Variants in LRRC4C observed in about 807,000 individuals in gnomAD.
The protein encoded by LRRC4C is leucine rich repeat containing 4C.
Under a neutral mutation model 33.6 loss-of-function variants are expected in LRRC4C, and 5 were observed. The observed-to-expected ratio is 0.15, with a 90% confidence interval of 0.08 to 0.31. The LOEUF (loss-of-function observed/expected upper bound fraction) is 0.31, where lower values mean the gene tolerates loss of function less well. Among genes scored for constraint, LRRC4C ranks in the 10% least tolerant of loss-of-function variants. The pLI is 1.00. For synonymous variants in LRRC4C, 329 were observed against 302.0 expected (o/e 1.09, Z -0.93); for missense variants, 560 against 796.7 (o/e 0.70, Z 3.58).
intron 2 of LRRC4C, among the ~76,000 whole-genome samples, chr11:40,836,713 A>G (rs1952686482): frequency 1.3e-5 from 2 of 152,196 alleles, no homozygotes; most frequent in Non-Finnish European, 1.5e-5. Context: ...TAGATGTCCT[A>G]CAGCAAGTTA....
intron 3 of LRRC4C, among the ~76,000 whole-genome samples, chr11:40,630,416 T>C (rs1388853760): frequency 8.1e-6 from 1 of 123,472 alleles, no homozygotes; most frequent in Non-Finnish European, 1.7e-5. Context: ...ATTCCTCTTC[T>C]TCTTCTTTTT....
chr11:40,303,294 ATTTG>A (rs909045082), intron 4 of LRRC4C, among the ~76,000 whole-genome samples: 1 of 152,022 alleles, frequency 6.6e-6, no homozygotes, highest in Non-Finnish European at 1.5e-5. Context: ...TAATTTGCGT[ATTTG>A]TTTGTGTATG....
intron 3 of LRRC4C, among the ~76,000 whole-genome samples, chr11:40,381,489 T>C (rs1321760070): frequency 6.6e-6 from 1 of 152,204 alleles, no homozygotes; most frequent in African/African-American, 2.4e-5. Flanking sequence ...ATCAAGTACA[T>C]ACTGTCTCTG....
intron 1 of LRRC4C, among the ~76,000 whole-genome samples, chr11:41,149,388 T>G (rs1484234811): frequency 6.6e-6 from 1 of 151,372 alleles, no homozygotes; most frequent in Non-Finnish European, 1.5e-5. Context: ...GCGCCTGTAG[T>G]CCCAGCTACT....
At chr11:41,142,269 G>A (rs1212975868) in intron 1 of LRRC4C, among the ~76,000 whole-genome samples, 3 of 152,124 alleles carry the variant, frequency 2.0e-5, no homozygotes, top group Non-Finnish European at 4.4e-5. Flanking sequence ...AAGGGTCATG[G>A]GGCATAGATG....
At chr11:41,378,143 G>T (rs959634057) in intron 1 of LRRC4C, among the ~76,000 whole-genome samples, 2 of 151,932 alleles carry the variant, frequency 1.3e-5, no homozygotes, top group African/African-American at 2.4e-5. Flanking sequence ...TAAGAGTGGG[G>T]AAGCAATAAA....
chr11:41,297,163 C>A (rs1271684849), intron 1 of LRRC4C, among the ~76,000 whole-genome samples: 1 of 152,080 alleles, frequency 6.6e-6, no homozygotes. Context: ...ATTTTTCATT[C>A]CATTAATGAA....
intron 1 of LRRC4C, among the ~76,000 whole-genome samples, chr11:41,171,014 C>T: frequency 6.6e-6 from 1 of 152,074 alleles, no homozygotes; most frequent in Non-Finnish European, 1.5e-5. Context: ...TGCTCATCAT[C>T]ACTGGCCATC....
intron 3 of LRRC4C, among the ~76,000 whole-genome samples, chr11:40,381,396 G>A (rs1331019739): frequency 6.6e-6 from 1 of 152,006 alleles, no homozygotes; most frequent in East Asian, 1.9e-4. Context: ...CTGTAGCCCA[G>A]GTGACATTAG....
chr11:40,928,288 T>C (rs553091322), intron 2 of LRRC4C, among the ~76,000 whole-genome samples: 1 of 150,968 alleles, frequency 6.6e-6, no homozygotes, highest in Non-Finnish European at 1.5e-5. Context: ...CTAAAATAAA[T>C]ATTAAGATGT....
chr11:41,099,042 GA>G (rs1479291066), intron 1 of LRRC4C, among the ~76,000 whole-genome samples: 1 of 152,198 alleles, frequency 6.6e-6, no homozygotes, highest in East Asian at 1.9e-4. Flanking sequence ...AACAATCAGA[GA>G]CTGTGATGAA....
At chr11:41,303,557 G>A (rs1950353528) in intron 1 of LRRC4C, among the ~76,000 whole-genome samples, 1 of 82,664 alleles carries the variant, frequency 1.2e-5, no homozygotes, top group East Asian at 3.4e-4. Flanking sequence ...CATCGTCTGG[G>A]ATGTGAGGAG....
At chr11:40,718,601 A>G (rs894590858) in intron 2 of LRRC4C, among the ~76,000 whole-genome samples, 6 of 152,218 alleles carry the variant, frequency 3.9e-5, no homozygotes, top group Admixed American at 3.9e-4. Context: ...TAAGTAAACT[A>G]CAAGTCAAAT....
chr11:40,926,859 T>C (rs936884759), intron 2 of LRRC4C, among the ~76,000 whole-genome samples: 11 of 152,302 alleles, frequency 7.2e-5, no homozygotes, highest in South Asian at 4.1e-4. Flanking sequence ...ACTTCAGATA[T>C]AGGCATAAAC....
intron 3 of LRRC4C, among the ~76,000 whole-genome samples, chr11:40,463,464 T>C (rs1233712429): frequency 1.3e-5 from 2 of 151,996 alleles, no homozygotes; most frequent in Admixed American, 1.3e-4. Context: ...AAAGAGAAAG[T>C]GGTCTTCTCA....
chr11:40,239,786 G>T (rs1223986403), intron 5 of LRRC4C, among the ~76,000 whole-genome samples: 1 of 152,178 alleles, frequency 6.6e-6, no homozygotes, highest in African/African-American at 2.4e-5. Context: ...GCTTTTTTAT[G>T]GTATAGCAAG....
intron 1 of LRRC4C, among the ~76,000 whole-genome samples, chr11:41,380,214 A>G (rs974343661): frequency 2.6e-5 from 4 of 152,186 alleles, no homozygotes; most frequent in African/African-American, 9.6e-5. Flanking sequence ...TGCCTTTAAT[A>G]TAACAGATTC....
intron 3 of LRRC4C, among the ~76,000 whole-genome samples, chr11:40,481,576 C>G (rs937590063): frequency 6.6e-6 from 1 of 151,824 alleles, no homozygotes; most frequent in African/African-American, 2.4e-5. Context: ...AGGAAGTAAA[C>G]TTTTTTTTCA....
chr11:40,972,590 C>A (rs1293651589), intron 1 of LRRC4C, among the ~76,000 whole-genome samples: 2 of 152,138 alleles, frequency 1.3e-5, no homozygotes, highest in Non-Finnish European at 2.9e-5. Flanking sequence ...CCCAGTTCAG[C>A]ATGGCTTGGG....
Sources: gnomAD v4.1 joint callset for allele counts (sites outside exome capture counted in the v4.1 genomes callset) on GRCh38, gnomAD v4.1.1 for gene constraint, MANE v1.5 for transcripts, NCBI Gene and HGNC (gene_info 2026-07-23, HGNC 2026-07-21) for gene names.